WWOX: variants seen among roughly 807,000 people sequenced by gnomAD.
The protein encoded by WWOX is WW domain containing oxidoreductase, also known as WW domain-containing oxidoreductase.
WWOX carries 69 observed loss-of-function variants against 46.2 expected under a neutral mutation model. The ratio of observed to expected loss-of-function variants is 1.49; its 90% CI spans 1.23 to 1.82. The LOEUF is 1.82. Ranked by LOEUF, WWOX falls within the 40% of genes most tolerant of loss-of-function variation. The pLI is 0.00. For missense variants in WWOX, 919 were observed against 542.6 expected (o/e 1.69, Z -6.89); for synonymous variants, 359 against 202.6 (o/e 1.77, Z -6.56).
intron 8 of WWOX, among the ~76,000 whole-genome samples, chr16:78,887,793 G>C (rs567540183): frequency 2.6e-5 from 4 of 152,272 alleles, no homozygotes; most frequent in African/African-American, 9.6e-5. Context: ...CCACATTTGT[G>C]CAATTAAGAG....
intron 5 of WWOX, among the ~76,000 whole-genome samples, chr16:78,363,174 G>A (rs2081449890): frequency 6.6e-6 from 1 of 152,248 alleles, no homozygotes; most frequent in South Asian, 2.1e-4. Flanking sequence ...ATGTGTCTGT[G>A]TGTTCACCGT....
At chr16:79,094,586 C>T (rs1407055514) in intron 8 of WWOX, among the ~76,000 whole-genome samples, 1 of 152,056 alleles carries the variant, frequency 6.6e-6, no homozygotes, top group Non-Finnish European at 1.5e-5. Context: ...TAAGAAACAA[C>T]AACAAACTGC....
intron 8 of WWOX, among the ~76,000 whole-genome samples, chr16:78,809,167 A>T (rs1267104347): frequency 6.6e-6 from 1 of 152,080 alleles, no homozygotes; most frequent in African/African-American, 2.4e-5. Context: ...AAGTCATAGG[A>T]GAACTTGTGC....
At chr16:78,888,678 T>C (rs1189817617) in intron 8 of WWOX, among the ~76,000 whole-genome samples, 2 of 152,224 alleles carry the variant, frequency 1.3e-5, no homozygotes, top group African/African-American at 4.8e-5. Context: ...TGAGATGCTC[T>C]TGTGGCTGGA....
intron 8 of WWOX, among the ~76,000 whole-genome samples, chr16:78,837,415 C>T (rs574762432): frequency 6.6e-6 from 1 of 152,306 alleles, no homozygotes; most frequent in East Asian, 1.9e-4. Context: ...CAAGGCAATT[C>T]ACGGCAGTGG....
chr16:78,651,897 C>G (rs1024774078), intron 8 of WWOX, among the ~76,000 whole-genome samples: 2 of 152,078 alleles, frequency 1.3e-5, no homozygotes, highest in African/African-American at 4.8e-5. Context: ...TAGCTATTCC[C>G]ATAGGGAGTG....
At chr16:79,092,656 A>T (rs894550503) in intron 8 of WWOX, among the ~76,000 whole-genome samples, 1 of 152,154 alleles carries the variant, frequency 6.6e-6, no homozygotes, top group Non-Finnish European at 1.5e-5. Context: ...GTTGGCGAGG[A>T]GTGAATTGTG....
At chr16:78,150,728 T>G (rs961138379) in intron 4 of WWOX, among the ~76,000 whole-genome samples, 1 of 152,184 alleles carries the variant, frequency 6.6e-6, no homozygotes, top group Non-Finnish European at 1.5e-5. Flanking sequence ...CATGATTACT[T>G]AAATCATTGG....
intron 5 of WWOX, among the ~76,000 whole-genome samples, chr16:78,268,955 G>T (rs2079421850): frequency 6.6e-6 from 1 of 151,562 alleles, no homozygotes; most frequent in African/African-American, 2.4e-5. Flanking sequence ...TGTACTTCTT[G>T]TACATCCTCC....
chr16:78,607,133 ATTAG>A (rs2045778709), intron 8 of WWOX, among the ~76,000 whole-genome samples: 1 of 152,180 alleles, frequency 6.6e-6, no homozygotes, highest in Non-Finnish European at 1.5e-5. Flanking sequence ...GATTTTATTA[ATTAG>A]TTAAAATACA....
intron 5 of WWOX, among the ~76,000 whole-genome samples, chr16:78,180,498 A>G (rs1188193463): frequency 6.6e-6 from 1 of 151,632 alleles, no homozygotes; most frequent in Non-Finnish European, 1.5e-5. Flanking sequence ...CATGAGTGCT[A>G]TTGGGCAAAT....
Position 78,765,415 on chromosome 16 carries a change from A to G in WWOX, c.1056+332663A>G, listed in dbSNP as rs140324963. ...GATTCGGGGCCGGGCACGGTGGCTC[A>G]TACTTATAATCCCAGCACTTTGGGA... On this transcript the variant is annotated intron_variant, in intron 8 of 8. Coordinates refer to ENST00000566780, the MANE Select transcript of WWOX (RefSeq NM_016373.4). 3.7e-3 allele frequency among the ~76,000 whole-genome samples: 565 copies of G among 152,324 alleles called. 6 individuals are homozygous for G. The highest frequency in any genetic ancestry group is 0.017 in the Middle Eastern group (5 of 294).
At chr16:78,949,395 A>G (rs2046013240) in intron 8 of WWOX, among the ~76,000 whole-genome samples, 1 of 152,324 alleles carries the variant, frequency 6.6e-6, no homozygotes, top group Admixed American at 6.5e-5. Flanking sequence ...GTGGGGCTCA[A>G]CCAGCCCTCA....
chr16:78,763,434 A>C (rs2049843185), intron 8 of WWOX, among the ~76,000 whole-genome samples: 1 of 152,170 alleles, frequency 6.6e-6, no homozygotes, highest in Admixed American at 6.5e-5. Context: ...ACATCTTCTG[A>C]CCTCAAGTAG....
chr16:78,794,599 T>A (rs1289605432), intron 8 of WWOX, among the ~76,000 whole-genome samples: 2 of 152,228 alleles, frequency 1.3e-5, no homozygotes, highest in Non-Finnish European at 2.9e-5. Flanking sequence ...GAGAATTAAC[T>A]AAAGTACCAT....
rs184954465 is a variant in WWOX at position 78,516,756 on chromosome 16, C to A, written c.1056+84004C>A. Reference sequence around the variant, plus strand: ...TTAAACGCGAGGGTTTCCTAATGCTCCTTCCATTTAAATAATTCAAAAATC... The same window carrying A: ...TTAAACGCGAGGGTTTCCTAATGCTACTTCCATTTAAATAATTCAAAAATC... On this transcript the variant is annotated intron_variant, in intron 8 of 8. Transcript: ENST00000566780. Among the ~76,000 whole-genome samples the A allele has an allele frequency of 1.0e-3, 153 of 152,228 alleles. No homozygotes were observed. In the Middle Eastern group the frequency reaches 0.01, roughly 10 times the overall value.
At chr16:78,686,240 G>C (rs559597412) in intron 8 of WWOX, among the ~76,000 whole-genome samples, 2 of 152,158 alleles carry the variant, frequency 1.3e-5, no homozygotes, top group African/African-American at 4.8e-5. Flanking sequence ...GGCCAGGCGC[G>C]GTGGCTCAGG....
chr16:78,786,792 A>C (rs2050468378), intron 8 of WWOX, among the ~76,000 whole-genome samples: 1 of 152,240 alleles, frequency 6.6e-6, no homozygotes, highest in Admixed American at 6.5e-5. Context: ...ACATGCCAAG[A>C]ATGTTTCTAA....
intron 8 of WWOX, among the ~76,000 whole-genome samples, chr16:78,755,796 A>C (rs2049631286): frequency 1.3e-5 from 2 of 152,054 alleles, no homozygotes; most frequent in African/African-American, 4.8e-5. Flanking sequence ...ACCTGGTTCC[A>C]CTCTCACTTT....
Sources: allele counts gnomAD v4.1 joint callset (sites outside exome capture counted in the v4.1 genomes callset), GRCh38; gene constraint gnomAD v4.1.1; transcripts MANE v1.5; gene names NCBI Gene and HGNC (gene_info 2026-07-23, HGNC 2026-07-21).